IGF2R: variants seen among roughly 807,000 people sequenced by gnomAD.
IGF2R encodes the protein cation-independent mannose-6-phosphate receptor.
IGF2R carries 91 observed loss-of-function variants against 270.6 expected under a neutral mutation model. The ratio of observed to expected loss-of-function variants is 0.34; its 90% confidence interval spans 0.28 to 0.40. The LOEUF is 0.40. Among genes scored for constraint, IGF2R ranks in the 10% least tolerant of loss-of-function variants. The pLI, the probability that IGF2R is intolerant of heterozygous loss-of-function variation, is 1.00. For missense variants in IGF2R, 2,805 were observed against 3,188.3 expected, an observed-to-expected ratio of 0.88 and a Z score of 2.90; for synonymous variants, 1,316 against 1,258.9, an observed-to-expected ratio of 1.05 and a Z score of -0.96.
rs1311659255 is a variant in IGF2R, at chr6:160,107,272, C to T, written c.*2188C>T. 2 of 152,232 alleles carry T rather than the reference C, an allele frequency of 1.3e-5. No individual in the cohort carries two copies. Among genetic ancestry groups the T allele is most frequent in the Non-Finnish European group, 2.9e-5 (2 of 68,048 alleles). 9.4% of individuals were successfully genotyped at this position (152,232 alleles called of 1,614,324 possible). A position where few individuals can be genotyped will look rare whatever the true frequency, so the allele number is the denominator to read the frequency against. On this transcript the variant is annotated 3_prime_UTR_variant, in exon 48 of 48. Coordinates refer to ENST00000356956, the MANE Select transcript of IGF2R (RefSeq NM_000876.4). Reference sequence around the variant, plus strand: ...CCTCCTGCTAAGACCATGGGGAGCCCTCTCTGTAAGGAGGGGCATATGCAG... The same window carrying T: ...CCTCCTGCTAAGACCATGGGGAGCCTTCTCTGTAAGGAGGGGCATATGCAG...
At chr6:160,077,639 A>C (rs1356262463) in intron 36 of IGF2R, among the ~76,000 whole-genome samples, 2 of 152,246 alleles carry the variant, frequency 1.3e-5, no homozygotes, top group African/African-American at 4.8e-5. Flanking sequence ...TTTCATTTTC[A>C]ATGGAAGTAC....
At chr6:160,054,664 T>G (rs1368509474) in intron 19 of IGF2R, among the ~76,000 whole-genome samples, 1 of 152,218 alleles carries the variant, frequency 6.6e-6, no homozygotes, top group Non-Finnish European at 1.5e-5. Context: ...TTTAAGTTTC[T>G]CTGGAGTCCC....
chr6:159,978,556 G>A (rs1411402092), intron 1 of IGF2R, among the ~76,000 whole-genome samples: 2 of 152,168 alleles, frequency 1.3e-5, no homozygotes, highest in African/African-American at 4.8e-5. Flanking sequence ...TCCCTGGAGG[G>A]TGGAGGAATG....
In IGF2R at chr6:160,060,653, C is replaced by T. The variant is rs774594387; in HGVS notation, c.3198C>T (p.Asn1066=). 5.0e-6 allele frequency: 8 copies of T among 1,614,252 alleles called. No homozygotes were observed. Among genetic ancestry groups the T allele is most frequent in the Non-Finnish European group, 6.8e-6 (8 of 1,180,044 alleles). Residue 1066 remains asparagine, a synonymous_variant, in exon 23 of 48, where the codon AAC becomes AAT. Coordinates refer to ENST00000356956, the MANE Select transcript of IGF2R (RefSeq NM_000876.4). ...TCGACTCTGGGCAAGGGATCCGAAA[C>T]ACTTACTTTGAGTTTGAAACCGCGT... ...QDIDSGQGIR[N]TYFEFETALA...
chr6:160,020,116 A>G lies in IGF2R; in HGVS notation c.514-4456A>G, dbSNP rs1238002572. The stretch of plus-strand genomic sequence containing the variant: ...TACGTGAATTCAGTAGTTTCAGGAT[A>G]CAGAGTCATTGTACAAGAATCAATA... On this transcript the variant is annotated intron_variant, in intron 4 of 47. Transcript: ENST00000356956. Among the ~76,000 whole-genome samples the G allele has an allele frequency of 2.0e-5, 3 of 152,326 alleles. No individual in the cohort carries two copies. The East Asian group carries it at 5.8e-4, about 29-fold the overall frequency.
intron 29 of IGF2R, among the ~76,000 whole-genome samples, chr6:160,067,159 T>G (rs1444221856): frequency 6.6e-6 from 1 of 152,188 alleles, no homozygotes; most frequent in African/African-American, 2.4e-5. Flanking sequence ...TTCACTCTGT[T>G]CCAGCCACAC....
intron 4 of IGF2R, among the ~76,000 whole-genome samples, chr6:160,013,366 T>G (rs1254850853): frequency 1.4e-5 from 2 of 145,764 alleles, no homozygotes; most frequent in Non-Finnish European, 3.0e-5. Context: ...CAGAGACCTA[T>G]GTGACCTGCA....
rs932269334 is a variant in IGF2R, at chr6:160,063,311, A to C, written c.3671-104A>C. On this transcript the variant is annotated intron_variant, in intron 26 of 47. Transcript: ENST00000356956. ...CTCAGCCTCCCAAAGTGCTGGGATT[A>C]CAGGCGTGAGCCACTGCGCCCGGCC... is the stretch of plus-strand genomic sequence containing the variant. The C allele has an allele frequency of 4.7e-6, 4 of 853,856 alleles. No individual in the cohort carries two copies. The Admixed American group carries it at 7.4e-5, about 16-fold the overall frequency. 52.9% of individuals were successfully genotyped at this position (853,856 alleles called of 1,614,324 possible).
chr6:159,980,208 A>AAGAAAGGAAGAAAGGAAGAAAGG lies in IGF2R; in HGVS notation c.149+10814_149+10815insGAAAGGAAGAAAGGAAGAAAGGA, dbSNP rs1562330501. On this transcript the variant is annotated intron_variant, in intron 1 of 47. Transcript: ENST00000356956. ...AAAAGAAAGAAAGAAAGAAAGAAAG[A>AAGAAAGGAAGAAAGGAAGAAAGG]AAGAAAGAAAGAAAGAAAGAAAGAA... is the stretch of plus-strand genomic sequence containing the variant. Among the ~76,000 whole-genome samples, 87 of 90,630 alleles carry AAGAAAGGAAGAAAGGAAGAAAGG rather than the reference A, an allele frequency of 9.6e-4. 8 individuals are homozygous for AAGAAAGGAAGAAAGGAAGAAAGG. The highest frequency in any genetic ancestry group is 3.6e-3 in the African/African-American group (80 of 21,958). 59.5% of individuals were successfully genotyped at this position (90,630 alleles called of 152,430 possible). A position where few individuals can be genotyped will look rare whatever the true frequency, so the allele number is the denominator to read the frequency against.
At chr6:160,056,083 G>A (rs1316477961) in intron 19 of IGF2R, among the ~76,000 whole-genome samples, 3 of 152,128 alleles carry the variant, frequency 2.0e-5, no homozygotes, top group Non-Finnish European at 4.4e-5. Context: ...CCTACGTACC[G>A]TTGCCTTTGT....
At chr6:160,091,807 G>A (rs3777400) in intron 44 of IGF2R, among the ~76,000 whole-genome samples, 1 of 152,200 alleles carries the variant, frequency 6.6e-6, no homozygotes, top group East Asian at 1.9e-4. Flanking sequence ...GCCTTCAGGG[G>A]CCCTATCATG....
intron 1 of IGF2R, among the ~76,000 whole-genome samples, chr6:159,969,953 TA>T (rs1458499857): frequency 1.1e-4 from 16 of 150,740 alleles, no homozygotes; most frequent in Admixed American, 2.0e-4. Flanking sequence ...TATATATATA[TA>T]TATTTTTAGC....
At chr6:160,077,543 T>C (rs1778881012) in intron 36 of IGF2R, among the ~76,000 whole-genome samples, 1 of 152,254 alleles carries the variant, frequency 6.6e-6, no homozygotes. Flanking sequence ...TAGTGTTTAC[T>C]TGATTTTAGA....
At chr6:160,015,702 G>A (rs1427240984) in intron 4 of IGF2R, among the ~76,000 whole-genome samples, 1 of 152,196 alleles carries the variant, frequency 6.6e-6, no homozygotes, top group Non-Finnish European at 1.5e-5. Flanking sequence ...ATATAGTTTG[G>A]ATTTTGTCCC....
chr6:160,062,530 A>G lies in IGF2R; in HGVS notation c.3583-2A>G, dbSNP rs1562362715. 2 of 1,609,830 alleles carry G rather than the reference A, an allele frequency of 1.2e-6. No homozygotes were observed. The highest frequency in any genetic ancestry group is 1.7e-6 in the Non-Finnish European group (2 of 1,176,260). ...AAATCAGGCTGCTGATTTATATTAC[A>G]GGGCTCACCAGCATTTCAGCTTCAG... On this transcript the variant is annotated splice_acceptor_variant, in intron 25 of 47. Transcript: ENST00000356956. LOFTEE classifies it high-confidence loss of function.
chr6:160,096,590 C>T lies in IGF2R; in HGVS notation c.6807C>T (p.Leu2269=). 6.2e-7 allele frequency: 1 copy of T among 1,614,136 alleles called. No homozygotes were observed. The highest frequency in any genetic ancestry group is 8.5e-7 in the Non-Finnish European group (1 of 1,180,006). The change falls in exon 45 of 48, where the codon CTC becomes CTT. Residue 2269 remains leucine, a synonymous_variant. Transcript: ENST00000356956. The stretch of plus-strand genomic sequence containing the variant: ...ACGAGACTGCCGACTGCCAGTACCT[C>T]TTCTCTTGGTACACCTCAGCCGTGT... ...FSHETADCQY[L]FSWYTSAVCP... is the part of the protein sequence containing the mutation.
At chr6:160,060,362 G>A (rs373185476) in intron 22 of IGF2R, among the ~76,000 whole-genome samples, 185 bp from the exon 23 acceptor site, 3 of 152,264 alleles carry the variant, frequency 2.0e-5, no homozygotes, top group Admixed American at 1.3e-4. Context: ...CTGTTGTAGC[G>A]AGTGTGACCA....
intron 12 of IGF2R, among the ~76,000 whole-genome samples, 166 bp from the exon 13 acceptor site, chr6:160,044,348 C>G (rs8191786): frequency 6.6e-6 from 1 of 152,164 alleles, no homozygotes; most frequent in Non-Finnish European, 1.5e-5. Flanking sequence ...GAAACCCATC[C>G]GCTGCCTTGG....
chr6:160,077,075 G>T (rs894492451), intron 36 of IGF2R, among the ~76,000 whole-genome samples: 1 of 152,164 alleles, frequency 6.6e-6, no homozygotes, highest in Non-Finnish European at 1.5e-5. Flanking sequence ...GAGAGAGACA[G>T]TATTTGAGAA....
Sources: gnomAD v4.1 joint callset for allele counts (sites outside exome capture counted in the v4.1 genomes callset) on GRCh38, gnomAD v4.1.1 for gene constraint, MANE v1.5 for transcripts, NCBI Gene and HGNC (gene_info 2026-07-23, HGNC 2026-07-21) for gene names.